FMN2: variants seen among roughly 807,000 people sequenced by gnomAD.
FMN2 encodes the protein formin-2.
In FMN2, 51 loss-of-function variants were observed where a neutral mutation model predicts 142.3. The observed-to-expected ratio is 0.36, with a 90% CI of 0.29 to 0.45. The LOEUF is 0.45. Ranked by LOEUF, FMN2 falls within the 20% of genes least tolerant of loss-of-function variation. The probability of loss-of-function intolerance (pLI) is 1.00; values close to 1 mark genes in which losing one functional copy is unlikely to be tolerated. For missense variants in FMN2, 1,936 were observed against 2,122.8 expected, an observed-to-expected ratio of 0.91 and a Z score of 1.73; for synonymous variants, 882 against 869.8, an observed-to-expected ratio of 1.01 and a Z score of -0.25.
intron 14 of FMN2, among the ~76,000 whole-genome samples, chr1:240,385,434 G>T (rs1230883489): frequency 6.6e-6 from 1 of 152,224 alleles, no homozygotes; most frequent in East Asian, 1.9e-4. Context: ...TTGGCCCAAG[G>T]CATGTCTTTA....
At chr1:240,213,842 C>A (rs1047433312) in intron 6 of FMN2, among the ~76,000 whole-genome samples, 2 of 152,144 alleles carry the variant, frequency 1.3e-5, no homozygotes, top group African/African-American at 4.8e-5. Context: ...TAACGAGGTG[C>A]CTGTGCTGTT....
chr1:240,430,603 T>C (rs866948984), intron 15 of FMN2, among the ~76,000 whole-genome samples: 3 of 152,174 alleles, frequency 2.0e-5, no homozygotes, highest in African/African-American at 7.2e-5. Context: ...TTTAATGTTT[T>C]CTTTTAGAAG....
intron 15 of FMN2, among the ~76,000 whole-genome samples, chr1:240,401,721 T>C (rs1417399256): frequency 6.6e-6 from 1 of 152,214 alleles, no homozygotes; most frequent in African/African-American, 2.4e-5. Context: ...AACAGCCTTT[T>C]CTGTACCAAA....
intron 7 of FMN2, among the ~76,000 whole-genome samples, chr1:240,259,982 T>C (rs1017740888): frequency 6.6e-6 from 1 of 152,226 alleles, no homozygotes; most frequent in East Asian, 1.9e-4. Flanking sequence ...CTCTCACTTA[T>C]GAATGTGAGA....
In FMN2 at chr1:240,273,693, AAG is replaced by A. The variant is rs368484652; in HGVS notation, c.4153+15663_4153+15664del. Among the ~76,000 whole-genome samples, 527 of 152,112 alleles carry A rather than the reference AAG, an allele frequency of 3.5e-3. 7 individuals carry two copies. The highest frequency in any genetic ancestry group is 0.012 in the African/African-American group (509 of 41,492). ...CAGAGACACACACACAGGGAGGAAA[AAG>A]ATGTGATGGATAACTTGAGAATTTG... On this transcript the variant is annotated intron_variant, in intron 7 of 17. Transcript: ENST00000319653.
At chr1:240,185,004 T>G (rs796856210) in intron 3 of FMN2, among the ~76,000 whole-genome samples, 320 of 99,286 alleles carry the variant, frequency 3.2e-3, no homozygotes, top group Middle Eastern at 0.016. Context: ...TCCTATACCT[T>G]CCCCTTCTCT....
At chr1:240,430,132 C>T (rs150213721) in intron 15 of FMN2, among the ~76,000 whole-genome samples, 5,039 of 152,084 alleles carry the variant, frequency 0.033, 265 homozygotes, top group African/African-American at 0.12. Flanking sequence ...ATGATCCGCC[C>T]GCCTCGGCCT....
chr1:240,384,119 A>G (rs1422440974), intron 14 of FMN2, among the ~76,000 whole-genome samples: 1 of 152,088 alleles, frequency 6.6e-6, no homozygotes, highest in African/African-American at 2.4e-5. Context: ...GGACATAAAG[A>G]TGGAAACAAT....
intron 1 of FMN2, among the ~76,000 whole-genome samples, chr1:240,104,431 A>G (rs1294501973): frequency 6.6e-6 from 1 of 152,102 alleles, no homozygotes; most frequent in African/African-American, 2.4e-5. Flanking sequence ...TGTATTCATG[A>G]GAATCCAGTC....
At chr1:240,338,873 C>A (rs1209498058) in intron 13 of FMN2, among the ~76,000 whole-genome samples, 3 of 151,936 alleles carry the variant, frequency 2.0e-5, no homozygotes, top group African/African-American at 7.3e-5. Context: ...CAGTGGAAGC[C>A]CTAAACTTGT....
chr1:240,135,542 T>C (rs1310113971), intron 2 of FMN2, among the ~76,000 whole-genome samples: 4 of 152,196 alleles, frequency 2.6e-5, no homozygotes, highest in Non-Finnish European at 4.4e-5. Context: ...TACCACAATA[T>C]TGATTGTATA....
intron 3 of FMN2, among the ~76,000 whole-genome samples, chr1:240,184,769 C>A (rs529260403): frequency 6.6e-6 from 1 of 151,814 alleles, no homozygotes; most frequent in Admixed American, 6.6e-5. Context: ...TCGGGAGTTC[C>A]GGGAGTGATC....
intron 7 of FMN2, among the ~76,000 whole-genome samples, chr1:240,266,464 G>C (rs1276758132): frequency 1.3e-5 from 2 of 151,694 alleles, no homozygotes; most frequent in East Asian, 3.9e-4. Context: ...TTTTCCATGT[G>C]GTGTTTGCTT....
intron 6 of FMN2, chr1:240,245,641 G>A: frequency 2.1e-6 from 1 of 469,906 alleles, no homozygotes. Flanking sequence ...TGTAGTAGGG[G>A]TATTAGTTAA....
chr1:240,236,031 G>A (rs1256641458), intron 6 of FMN2: 2 of 152,186 alleles, frequency 1.3e-5, no homozygotes, highest in African/African-American at 4.8e-5. Flanking sequence ...TGTTTTTGGT[G>A]TGGAATTACC....
At chr1:240,124,898 C>T (rs1662436988) in intron 2 of FMN2, among the ~76,000 whole-genome samples, 1 of 152,096 alleles carries the variant, frequency 6.6e-6, no homozygotes, top group Non-Finnish European at 1.5e-5. Flanking sequence ...GAACTCCTGA[C>T]CTCGTGATCC....
chr1:240,248,440 T>C (rs1251253799), intron 6 of FMN2, among the ~76,000 whole-genome samples: 3 of 33,182 alleles, frequency 9.0e-5, no homozygotes, highest in Admixed American at 4.2e-4. Context: ...TGGATATATA[T>C]ATATATATAT....
intron 2 of FMN2, among the ~76,000 whole-genome samples, chr1:240,134,138 G>T (rs1055135947): frequency 2.0e-5 from 3 of 152,128 alleles, no homozygotes; most frequent in African/African-American, 7.2e-5. Context: ...ATTAGTGATT[G>T]GTATTTAATA....
intron 6 of FMN2, among the ~76,000 whole-genome samples, chr1:240,232,214 C>T (rs1667549655): frequency 1.3e-5 from 2 of 151,208 alleles, no homozygotes; most frequent in East Asian, 2.0e-4. Context: ...GAACTACAGG[C>T]ACCAGGCACA....
Sources: allele counts gnomAD v4.1 joint callset (sites outside exome capture counted in the v4.1 genomes callset), GRCh38; gene constraint gnomAD v4.1.1; transcripts MANE v1.5; gene names NCBI Gene and HGNC (gene_info 2026-07-23, HGNC 2026-07-21).